The following SCLT1 variants were observed in gnomAD, a reference collection of about 807,000 sequenced individuals.
SCLT1 encodes the protein sodium channel and clathrin linker 1.
SCLT1 carries 78 observed loss-of-function variants against 112.8 expected under a neutral mutation model. That is an observed-to-expected ratio of 0.69 (90% CI 0.58 to 0.83). The LOEUF is 0.83. Among genes scored for constraint, SCLT1 ranks in the 40% least tolerant of loss-of-function variants. SCLT1 has a pLI of 0.00. For missense variants in SCLT1, 747 were observed against 770.4 expected (o/e 0.97, Z 0.36); for synonymous variants, 257 against 254.7 (o/e 1.01, Z -0.09).
At chr4:129,015,958 ATCT>A (rs1438376319) in intron 5 of SCLT1, among the ~76,000 whole-genome samples, 1 of 152,054 alleles carries the variant, frequency 6.6e-6, no homozygotes, top group Non-Finnish European at 1.5e-5. Context: ...TATATTTTCT[ATCT>A]TCTTGTCTCT....
In SCLT1 at chr4:128,956,887, C is replaced by T. The variant is rs1316425654; in HGVS notation, c.1146+139G>A. On this transcript the variant is annotated intron_variant, in intron 13 of 20. Coordinates refer to ENST00000281142, the MANE Select transcript of SCLT1 (RefSeq NM_144643.4). Reference sequence around the variant, plus strand: ...AGTTCCTTTAGTTAGTTTTTAAACACTTAGGTTAATAATTTCATATGGAGT... The same window carrying T: ...AGTTCCTTTAGTTAGTTTTTAAACATTTAGGTTAATAATTTCATATGGAGT... 3 of 527,712 alleles carry T rather than the reference C, an allele frequency of 5.7e-6. No individual in the cohort carries two copies. In the African/African-American group the frequency reaches 6.0e-5, roughly 10 times the overall value. 32.7% of individuals were successfully genotyped at this position (527,712 alleles called of 1,614,324 possible). A position where few individuals can be genotyped will look rare whatever the true frequency, so the allele number is the denominator to read the frequency against.
intron 18 of SCLT1, among the ~76,000 whole-genome samples, chr4:128,901,205 T>TG (rs1403583439): frequency 6.6e-6 from 1 of 152,176 alleles, no homozygotes; most frequent in Admixed American, 6.5e-5. Context: ...CATGCTGCTA[T>TG]AAAGACACAT....
At chr4:128,970,944 C>G (rs1740636716) in intron 9 of SCLT1, 1 of 152,138 alleles carries the variant, frequency 6.6e-6, no homozygotes, top group Non-Finnish European at 1.5e-5. Flanking sequence ...TATGTAAACA[C>G]AACATAAATT....
At chr4:128,896,717 A>C (rs1733792708) in intron 18 of SCLT1, among the ~76,000 whole-genome samples, 1 of 152,164 alleles carries the variant, frequency 6.6e-6, no homozygotes, top group African/African-American at 2.4e-5. Context: ...CAGACGATCA[A>C]ACTACTCCCA....
At chr4:128,965,777 G>C (rs1740127996) in intron 10 of SCLT1, among the ~76,000 whole-genome samples, 1 of 144,756 alleles carries the variant, frequency 6.9e-6, no homozygotes, top group African/African-American at 2.5e-5. Context: ...GAAATTTCTT[G>C]TTCATCTTTT....
chr4:129,076,307 G>A (rs1751459374), intron 2 of SCLT1, among the ~76,000 whole-genome samples: 1 of 152,052 alleles, frequency 6.6e-6, no homozygotes, highest in Admixed American at 6.6e-5. Context: ...AATATATTTA[G>A]ACTATGATGT....
chr4:128,903,190 A>G (rs537624006), intron 18 of SCLT1, among the ~76,000 whole-genome samples: 1 of 152,304 alleles, frequency 6.6e-6, no homozygotes, highest in East Asian at 1.9e-4. Flanking sequence ...ACTATACATA[A>G]TTGCATATGC....
At chr4:128,920,317 G>A (rs1735785995) in intron 18 of SCLT1, among the ~76,000 whole-genome samples, 1 of 152,216 alleles carries the variant, frequency 6.6e-6, no homozygotes, top group Admixed American at 6.5e-5. Flanking sequence ...CTCAACAGAT[G>A]CAGATCCTCT....
In SCLT1 at chr4:128,968,787, T is replaced by TA. The variant is rs151258364; in HGVS notation, c.777+1590dup. 6.4e-3 allele frequency among the ~76,000 whole-genome samples: 974 copies of TA among 152,348 alleles called. 7 individuals carry two copies. Among genetic ancestry groups the TA allele is most frequent in the African/African-American group, 0.016 (675 of 41,580 alleles). ...TGAAATCTGTTCCACATACAGTAGG[T>TA]AGCAGCTGATATCTGTAATTAGTTC... On this transcript the variant is annotated intron_variant, in intron 10 of 20. Coordinates refer to ENST00000281142, the MANE Select transcript of SCLT1 (RefSeq NM_144643.4).
At chr4:129,061,729 A>C (rs193281119) in intron 2 of SCLT1, among the ~76,000 whole-genome samples, 11 of 152,104 alleles carry the variant, frequency 7.2e-5, no homozygotes, top group African/African-American at 9.7e-5. Context: ...AGGGTGTAAC[A>C]GTTTCTCACA....
At chr4:128,906,374 A>C (rs1397835470) in intron 18 of SCLT1, among the ~76,000 whole-genome samples, 1 of 151,650 alleles carries the variant, frequency 6.6e-6, no homozygotes. Flanking sequence ...ATTTTTTTCT[A>C]TTTTTAGTAG....
intron 18 of SCLT1, among the ~76,000 whole-genome samples, chr4:128,927,512 T>C (rs1483738206): frequency 6.6e-6 from 1 of 151,620 alleles, no homozygotes; most frequent in Non-Finnish European, 1.5e-5. Context: ...GAGGTGGAGG[T>C]TGCAGTGAGC....
chr4:129,027,851 C>G (rs1463693299), intron 5 of SCLT1, among the ~76,000 whole-genome samples: 4 of 152,192 alleles, frequency 2.6e-5, no homozygotes, highest in African/African-American at 4.8e-5. Context: ...AATCAATATA[C>G]AAAAATCACA....
intron 18 of SCLT1, among the ~76,000 whole-genome samples, chr4:128,927,377 C>G (rs905034190): frequency 7.9e-5 from 12 of 152,064 alleles, no homozygotes; most frequent in African/African-American, 2.7e-4. Context: ...GAGTTCAAGA[C>G]CAGACTGGGC....
chr4:128,881,494 C>A (rs1732640043), downstream of SCLT1, among the ~76,000 whole-genome samples: 1 of 151,974 alleles, frequency 6.6e-6, no homozygotes, highest in South Asian at 2.1e-4. Context: ...AATTCTCACA[C>A]CAGAGAAGAA....
At chr4:128,879,731 A>C (rs1732598290), downstream of SCLT1, among the ~76,000 whole-genome samples, 1 of 152,198 alleles carries the variant, frequency 6.6e-6, no homozygotes, top group Admixed American at 6.5e-5. Context: ...AATCCAGAGA[A>C]ACTCTCCACT....
chr4:128,892,808 T>A (rs190761278), intron 18 of SCLT1, among the ~76,000 whole-genome samples: 2 of 152,310 alleles, frequency 1.3e-5, no homozygotes, highest in Admixed American at 1.3e-4. Context: ...TCATTGACTA[T>A]GAGGAGTTTG....
chr4:128,900,665 A>G (rs904016042), intron 18 of SCLT1, among the ~76,000 whole-genome samples: 13 of 152,236 alleles, frequency 8.5e-5, no homozygotes, highest in Admixed American at 8.5e-4. Context: ...ACAAAAGCCA[A>G]AATTGACAAA....
At chr4:128,912,117 G>C (rs1022813787) in intron 18 of SCLT1, among the ~76,000 whole-genome samples, 1 of 151,518 alleles carries the variant, frequency 6.6e-6, no homozygotes, top group Non-Finnish European at 1.5e-5. Context: ...GGTATATATA[G>C]AGACATCATT....
Sources: allele counts gnomAD v4.1 joint callset (sites outside exome capture counted in the v4.1 genomes callset), GRCh38; gene constraint gnomAD v4.1.1; transcripts MANE v1.5; gene names NCBI Gene and HGNC (gene_info 2026-07-23, HGNC 2026-07-21).